RANBP17: variants seen among roughly 807,000 people sequenced by gnomAD.
RANBP17 encodes RAN binding protein 17, also known as ran-binding protein 17.
In RANBP17, 158 loss-of-function variants were observed where a neutral mutation model predicts 141.2. The ratio of observed to expected loss-of-function variants is 1.12; its 90% confidence interval spans 0.98 to 1.28. RANBP17 has a LOEUF of 1.28. RANBP17 is among the 50% of genes most tolerant of loss of function. The probability of loss-of-function intolerance (pLI) is 0.00; values close to 1 mark genes in which losing one functional copy is unlikely to be tolerated. For synonymous variants in RANBP17, 430 were observed against 450.0 expected, an observed-to-expected ratio of 0.96 and a Z score of 0.56; for missense variants, 1,438 against 1,290.7, an observed-to-expected ratio of 1.11 and a Z score of -1.75.
intron 14 of RANBP17, among the ~76,000 whole-genome samples, chr5:171,153,680 A>G (rs537251813): frequency 1.2e-4 from 19 of 152,226 alleles, no homozygotes; most frequent in Non-Finnish European, 2.2e-4. Flanking sequence ...GAAGTAAGAT[A>G]GGACCAAGAG....
chr5:171,134,233 G>A (rs989796920), intron 14 of RANBP17, among the ~76,000 whole-genome samples: 1 of 152,082 alleles, frequency 6.6e-6, no homozygotes, highest in Non-Finnish European at 1.5e-5. Context: ...AGACTAACTG[G>A]GAATTGAGAT....
At chr5:170,936,875 C>A (rs1025304678) in intron 12 of RANBP17, among the ~76,000 whole-genome samples, 3 of 152,090 alleles carry the variant, frequency 2.0e-5, no homozygotes, top group African/African-American at 7.2e-5. Context: ...ATCATGTAAA[C>A]ATTTGTGATT....
At chr5:171,147,520 A>C (rs1470315486) in intron 14 of RANBP17, among the ~76,000 whole-genome samples, 2 of 151,128 alleles carry the variant, frequency 1.3e-5, no homozygotes, top group African/African-American at 4.9e-5. Context: ...GGTTCAAGCA[A>C]TTCTCCTGCC....
intron 16 of RANBP17, among the ~76,000 whole-genome samples, chr5:171,179,891 C>T (rs1760768377): frequency 6.6e-6 from 1 of 152,108 alleles, no homozygotes; most frequent in Non-Finnish European, 1.5e-5. Flanking sequence ...GTGTAGTACT[C>T]CTGTAACCTA....
intron 14 of RANBP17, among the ~76,000 whole-genome samples, chr5:171,111,953 T>A (rs749831886): frequency 2.6e-5 from 4 of 152,156 alleles, no homozygotes; most frequent in Non-Finnish European, 5.9e-5. Flanking sequence ...AAACACTGAA[T>A]GAAAAAGTAA....
At chr5:170,915,397 G>A (rs545309836) in intron 8 of RANBP17, among the ~76,000 whole-genome samples, 7 of 152,068 alleles carry the variant, frequency 4.6e-5, no homozygotes, top group Admixed American at 6.6e-5. Flanking sequence ...TTCCCCCAGG[G>A]CAACAAAGAA....
intron 14 of RANBP17, among the ~76,000 whole-genome samples, chr5:171,007,089 G>A (rs552076755): frequency 1.4e-4 from 22 of 152,174 alleles, no homozygotes; most frequent in Non-Finnish European, 8.8e-5. Context: ...AGTCTTTCCC[G>A]TTCATCTGGG....
At chr5:170,983,608 A>C (rs1777920865) in intron 14 of RANBP17, among the ~76,000 whole-genome samples, 1 of 152,224 alleles carries the variant, frequency 6.6e-6, no homozygotes, top group Non-Finnish European at 1.5e-5. Context: ...GAAAGAGTTG[A>C]AAATGGGTTG....
At chr5:171,265,587 C>A in intron 24 of RANBP17, 94 bp from the exon 25 acceptor site, 1 of 1,188,316 alleles carries the variant, frequency 8.4e-7, no homozygotes, top group Non-Finnish European at 1.2e-6. Flanking sequence ...CACTTTGAAA[C>A]CAGAAAGTAA....
intron 9 of RANBP17, among the ~76,000 whole-genome samples, chr5:170,917,592 G>T (rs76612734): frequency 0.027 from 4,089 of 152,122 alleles, 172 homozygotes; most frequent in African/African-American, 0.093. Context: ...AAAAGCAATT[G>T]TTTTTGCATA....
intron 24 of RANBP17, 116 bp from the exon 25 acceptor site, chr5:171,265,565 A>G (rs1195945055): frequency 2.0e-6 from 2 of 986,698 alleles, no homozygotes; most frequent in Non-Finnish European, 3.0e-6. Context: ...AGAACTTGCA[A>G]TTTGATAAAA....
At chr5:170,963,465 C>G (rs139382482) in intron 13 of RANBP17, among the ~76,000 whole-genome samples, 2 of 152,312 alleles carry the variant, frequency 1.3e-5, no homozygotes, top group East Asian at 3.9e-4. Flanking sequence ...ATAACAAAAA[C>G]TTCTGCATGG....
intron 25 of RANBP17, among the ~76,000 whole-genome samples, chr5:171,289,360 A>G (rs1017311456): frequency 6.6e-6 from 1 of 152,190 alleles, no homozygotes; most frequent in Non-Finnish European, 1.5e-5. Context: ...CTTAGAAAAA[A>G]ATACAGTTCA....
intron 14 of RANBP17, among the ~76,000 whole-genome samples, chr5:171,086,326 G>C (rs1785651335): frequency 6.6e-6 from 1 of 151,012 alleles, no homozygotes; most frequent in Non-Finnish European, 1.5e-5. Context: ...ACTTGATCAT[G>C]GTGGATAAGC....
chr5:171,218,279 T>C (rs973091524), intron 21 of RANBP17, among the ~76,000 whole-genome samples: 4 of 152,196 alleles, frequency 2.6e-5, no homozygotes, highest in Non-Finnish European at 4.4e-5. Context: ...TTCTGTTCAT[T>C]TGCATTTGCT....
chr5:170,983,459 A>G (rs1777910951), intron 14 of RANBP17, among the ~76,000 whole-genome samples: 1 of 152,228 alleles, frequency 6.6e-6, no homozygotes, highest in Non-Finnish European at 1.5e-5. Flanking sequence ...GTACCATGGA[A>G]CTTAGTTATG....
intron 14 of RANBP17, among the ~76,000 whole-genome samples, chr5:171,160,144 C>A (rs1429924087): frequency 6.6e-6 from 1 of 152,080 alleles, no homozygotes; most frequent in Non-Finnish European, 1.5e-5. Context: ...CAGATAAGTT[C>A]TTGAGATAAA....
At chr5:170,944,285 T>C (rs1376694613) in intron 12 of RANBP17, among the ~76,000 whole-genome samples, 1 of 152,236 alleles carries the variant, frequency 6.6e-6, no homozygotes, top group East Asian at 1.9e-4. Context: ...ACGTCTTTTT[T>C]TGAGACAGGG....
chr5:171,224,253 C>A (rs530214360), intron 22 of RANBP17, among the ~76,000 whole-genome samples: 29 of 152,314 alleles, frequency 1.9e-4, no homozygotes, highest in African/African-American at 6.7e-4. Context: ...AAATAAACAG[C>A]ATATATGTAT....
Sources: allele counts gnomAD v4.1 joint callset (sites outside exome capture counted in the v4.1 genomes callset), GRCh38; gene constraint gnomAD v4.1.1; transcripts MANE v1.5; gene names NCBI Gene and HGNC (gene_info 2026-07-23, HGNC 2026-07-21).